Variants in FRYL observed in about 807,000 individuals in gnomAD.
FRYL encodes FRY like transcription coactivator, also known as protein furry homolog-like.
A neutral mutation model predicts 351.2 loss-of-function variants in FRYL; 150 were observed. The observed-to-expected ratio is 0.43, with a 90% CI of 0.37 to 0.49. The LOEUF is 0.49. Ranked by LOEUF, FRYL falls within the 20% of genes least tolerant of loss-of-function variation. The probability of loss-of-function intolerance (pLI) is 0.00; values close to 1 mark genes in which losing one functional copy is unlikely to be tolerated. For missense variants in FRYL, 3,036 were observed against 3,619.3 expected, an observed-to-expected ratio of 0.84 and a Z score of 4.13; for synonymous variants, 1,153 against 1,257.1, an observed-to-expected ratio of 0.92 and a Z score of 1.75.
At chr4:48,583,192 C>T (rs1380329709) in intron 19 of FRYL, among the ~76,000 whole-genome samples, 3 of 151,726 alleles carry the variant, frequency 2.0e-5, no homozygotes. Flanking sequence ...CGCTCTGTCA[C>T]CCAGGCTGGA....
intron 19 of FRYL, among the ~76,000 whole-genome samples, chr4:48,584,137 A>C (rs1741566222): frequency 6.6e-6 from 1 of 152,206 alleles, no homozygotes; most frequent in South Asian, 2.1e-4. Context: ...CCATTATATA[A>C]TAATATTATA....
chr4:48,603,105 A>G (rs1273526093), intron 12 of FRYL, among the ~76,000 whole-genome samples, 185 bp downstream of exon 12: 1 of 152,202 alleles, frequency 6.6e-6, no homozygotes, highest in Non-Finnish European at 1.5e-5. Context: ...GAGCTAGTAA[A>G]ATTAAGAACA....
chr4:48,725,568 T>C (rs1222412645), intron 1 of FRYL, among the ~76,000 whole-genome samples: 5 of 152,226 alleles, frequency 3.3e-5, no homozygotes, highest in Admixed American at 2.6e-4. Context: ...TGATGAAATG[T>C]CACGCTGTCC....
chr4:48,645,081 T>C (rs1756116339), intron 3 of FRYL, among the ~76,000 whole-genome samples: 1 of 141,700 alleles, frequency 7.1e-6, no homozygotes, highest in African/African-American at 2.5e-5. Flanking sequence ...GTTCAAACAG[T>C]GTACCCAGAA....
intron 2 of FRYL, among the ~76,000 whole-genome samples, chr4:48,705,124 A>T (rs1467108486): frequency 6.6e-6 from 1 of 152,070 alleles, no homozygotes; most frequent in Non-Finnish European, 1.5e-5. Context: ...CTTAAAACAA[A>T]CAAATAAACA....
intron 1 of FRYL, among the ~76,000 whole-genome samples, chr4:48,773,914 G>C (rs763810369): frequency 3.9e-5 from 6 of 152,302 alleles, no homozygotes; most frequent in Admixed American, 6.5e-5. Context: ...AACAGAGTGA[G>C]ACTCTGTATC....
chr4:48,632,092 A>ATATATATATATATATATATG (rs1560753326), intron 4 of FRYL, among the ~76,000 whole-genome samples: 22 of 9,970 alleles, frequency 2.2e-3, no homozygotes, highest in East Asian at 5.5e-3. Flanking sequence ...AAAAAAAAAA[A>ATATATATATATATATATATG]TATATATATA....
chr4:48,605,978 G>C, intron 10 of FRYL, 145 bp from the exon 11 acceptor site: 1 of 573,304 alleles, frequency 1.7e-6, no homozygotes, highest in South Asian at 2.2e-5. Context: ...AAAGCTGGCT[G>C]GGTGCGGTGG....
At chr4:48,619,917 A>G (rs1351158141) in intron 6 of FRYL, among the ~76,000 whole-genome samples, 1 of 152,232 alleles carries the variant, frequency 6.6e-6, no homozygotes, top group Non-Finnish European at 1.5e-5. Context: ...ACTTAACCTA[A>G]AAGAATTAGT....
At chr4:48,542,163 A>G (rs753198466) in intron 44 of FRYL, 42 bp from the exon 45 acceptor site, 4 of 1,346,566 alleles carry the variant, frequency 3.0e-6, no homozygotes, top group Non-Finnish European at 3.2e-6. Flanking sequence ...ATGCTCTGGA[A>G]TAAAGAAACT....
At chr4:48,548,604 A>G in intron 40 of FRYL, 86 bp downstream of exon 40, 1 of 740,842 alleles carries the variant, frequency 1.3e-6, no homozygotes, top group Non-Finnish European at 2.3e-6. Flanking sequence ...GGAAACAGAA[A>G]CACATAAAAA....
intron 7 of FRYL, 136 bp downstream of exon 7, chr4:48,619,138 G>T (rs1250248941): frequency 1.6e-6 from 1 of 631,380 alleles, no homozygotes; most frequent in South Asian, 2.1e-5. Context: ...GCAACTGAAA[G>T]AAGTATAATG....
intron 2 of FRYL, among the ~76,000 whole-genome samples, chr4:48,685,113 T>C (rs1301854794): frequency 6.6e-6 from 1 of 152,242 alleles, no homozygotes; most frequent in African/African-American, 2.4e-5. Context: ...CTCTGGATTA[T>C]TCTAAAGCAA....
At chr4:48,517,343 A>AT (rs1008442541) in intron 55 of FRYL, among the ~76,000 whole-genome samples, 1 of 152,102 alleles carries the variant, frequency 6.6e-6, no homozygotes, top group Non-Finnish European at 1.5e-5. Context: ...GTGGATTGTC[A>AT]TTTTTTCTTG....
intron 9 of FRYL, among the ~76,000 whole-genome samples, chr4:48,607,184 T>G (rs1747020811): frequency 6.6e-6 from 1 of 152,188 alleles, no homozygotes; most frequent in Non-Finnish European, 1.5e-5. Context: ...GAAAAGGACA[T>G]CTAATAGTTT....
intron 10 of FRYL, among the ~76,000 whole-genome samples, chr4:48,606,182 A>C (rs989782398): frequency 6.6e-6 from 1 of 151,084 alleles, no homozygotes; most frequent in African/African-American, 2.4e-5. Flanking sequence ...CTGAGGCAGG[A>C]GAATCGCTTC....
intron 1 of FRYL, among the ~76,000 whole-genome samples, chr4:48,721,006 T>C (rs559350062): frequency 4.6e-5 from 7 of 152,322 alleles, no homozygotes; most frequent in Non-Finnish European, 7.3e-5. Flanking sequence ...ACAGAACTTA[T>C]TAAGTCCAAA....
In FRYL at chr4:48,499,364, T is replaced by C. The variant is rs1484078669; in HGVS notation, c.*58A>G. On this transcript the variant is annotated 3_prime_UTR_variant, in exon 64 of 64. Transcript: ENST00000358350. ...GAATGCAAGGGTCCATAAAAGGTGC[T>C]TGGTTAATATTCTTCATCATCTTCA... 3 of 1,520,858 alleles carry C rather than the reference T, an allele frequency of 2.0e-6. No homozygotes were observed. Among genetic ancestry groups the C allele is most frequent in the Admixed American group, 1.7e-5 (1 of 58,196 alleles). 94.2% of individuals were successfully genotyped at this position (1,520,858 alleles called of 1,614,324 possible). A position where few individuals can be genotyped will look rare whatever the true frequency, so the allele number is the denominator to read the frequency against.
chr4:48,552,153 A>ACC (rs201156671), intron 36 of FRYL, among the ~76,000 whole-genome samples: 1 of 149,982 alleles, frequency 6.7e-6, no homozygotes, highest in African/African-American at 2.5e-5. Flanking sequence ...TTGAGACTGC[A>ACC]CCCCCCCCAA....
Sources: gnomAD v4.1 joint callset for allele counts (sites outside exome capture counted in the v4.1 genomes callset) on GRCh38, gnomAD v4.1.1 for gene constraint, MANE v1.5 for transcripts, NCBI Gene and HGNC (gene_info 2026-07-23, HGNC 2026-07-21) for gene names.